PANK4: variants seen among roughly 807,000 people sequenced by gnomAD.
PANK4 encodes the protein 4'-phosphopantetheine phosphatase.
PANK4 carries 40 observed loss-of-function variants against 87.9 expected under a neutral mutation model. The observed-to-expected ratio is 0.46, with a 90% CI of 0.35 to 0.59. PANK4 has a LOEUF of 0.59. PANK4 is among the 20% of genes least tolerant of loss of function. The probability of loss-of-function intolerance (pLI) is 0.00; values close to 1 mark genes in which losing one functional copy is unlikely to be tolerated. For missense variants in PANK4, 926 were observed against 1,072.3 expected (o/e 0.86, Z 1.90); for synonymous variants, 524 against 467.4 (o/e 1.12, Z -1.56).
intron 1 of PANK4, among the ~76,000 whole-genome samples, chr1:2,524,665 C>G (rs1643905102): frequency 6.6e-6 from 1 of 152,236 alleles, no homozygotes; most frequent in Non-Finnish European, 1.5e-5. Context: ...TCACTGGCCT[C>G]TCGGGGCCAC....
In PANK4 at chr1:2,519,955, C is replaced by G; in HGVS notation, c.700-1G>C. 6.4e-7 allele frequency: 1 copy of G among 1,551,886 alleles called. No homozygotes were observed. Among genetic ancestry groups the G allele is most frequent in the Non-Finnish European group, 8.7e-7 (1 of 1,145,150 alleles). On this transcript the variant is annotated splice_acceptor_variant, in intron 5 of 18. Coordinates refer to ENST00000378466, the MANE Select transcript of PANK4 (RefSeq NM_018216.4). LOFTEE classifies it high-confidence loss of function. The surrounding 1 kb of genome is among the most constrained non-coding windows in gnomAD (Gnocchi z 8.3). ...CCAGGTGCAGGAGCTCGTCAAACTTCTGCAGGACACGGCGAGGGGGCGGGT... is the reference window on the plus strand; with the variant it reads ...CCAGGTGCAGGAGCTCGTCAAACTTGTGCAGGACACGGCGAGGGGGCGGGT...
In PANK4 at chr1:2,518,690, G is replaced by A. The variant is rs374874352; in HGVS notation, c.1036-93C>T. On this transcript the variant is annotated intron_variant, in intron 7 of 18. Transcript: ENST00000378466. ...TCAACGTGCGCGGGCCTCGCACCGCGCGGCCCAAACCCTCGAAGAGGCGCC... is the reference window on the plus strand; with the variant it reads ...TCAACGTGCGCGGGCCTCGCACCGCACGGCCCAAACCCTCGAAGAGGCGCC... The A allele has an allele frequency of 3.8e-3, 4,235 of 1,109,952 alleles. 157 individuals are homozygous for A. The South Asian group carries it at 0.053, about 14-fold the overall frequency. 68.8% of individuals were successfully genotyped at this position (1,109,952 alleles called of 1,614,324 possible). A position where few individuals can be genotyped will look rare whatever the true frequency, so the allele number is the denominator to read the frequency against.
At chr1:2,525,840 ACC>A (rs1643917415) in intron 1 of PANK4, 1 of 152,306 alleles carries the variant, frequency 6.6e-6, no homozygotes, top group South Asian at 2.1e-4. Context: ...TGGCTTTTAA[ACC>A]AGAGGCACGA....
In PANK4 at chr1:2,519,135, T is replaced by C. The variant is rs563230487; in HGVS notation, c.1035+8A>G. On this transcript the variant is annotated splice_region_variant and intron_variant, in intron 7 of 18. Transcript: ENST00000378466. This position sits in a 1 kb window ranked among gnomAD's most constrained non-coding sequence, Gnocchi z 8.3. ...GTTAGAGGCTGGGGAGGGCGGCGCATCCGTTACCTTGGAGAAGAAGTTGAT... is the reference window on the plus strand; with the variant it reads ...GTTAGAGGCTGGGGAGGGCGGCGCACCCGTTACCTTGGAGAAGAAGTTGAT... 2.7e-5 allele frequency: 44 copies of C among 1,609,552 alleles called. No individual in the cohort carries two copies. The Admixed American group carries it at 4.7e-4, about 17-fold the overall frequency.
intron 13 of PANK4, 109 bp from the exon 14 acceptor site, chr1:2,511,792 C>T (rs1182458524): frequency 2.0e-5 from 14 of 715,706 alleles, no homozygotes; most frequent in Non-Finnish European, 3.3e-5. Flanking sequence ...GAGGCAGCTG[C>T]TCAATGTAAA....
intron 10 of PANK4, among the ~76,000 whole-genome samples, 178 bp from the exon 11 acceptor site, chr1:2,514,644 TTGGGGCAGGGTGGGGGCTAGCTATG>T (rs1643731585): frequency 2.2e-5 from 1 of 46,426 alleles, no homozygotes; most frequent in African/African-American, 1.8e-4. Flanking sequence ...CGGGGGCTGT[TTGGGGCAGGGTGGGGGCTAGCTATG>T]GGGGGCTTCC....
chr1:2,519,727 G>A lies in PANK4; in HGVS notation c.853+74C>T. Reference sequence around the variant, plus strand: ...AGCAGTTGTGGGAAAGCAATGGTGGGGGAAGCTCCTGTCCGTGAGACCCCA... The same window carrying A: ...AGCAGTTGTGGGAAAGCAATGGTGGAGGAAGCTCCTGTCCGTGAGACCCCA... On this transcript the variant is annotated intron_variant, in intron 6 of 18. Coordinates refer to ENST00000378466, the MANE Select transcript of PANK4 (RefSeq NM_018216.4). This position sits in a 1 kb window ranked among gnomAD's most constrained non-coding sequence, Gnocchi z 8.3. 1 of 1,413,292 alleles carries A rather than the reference G, an allele frequency of 7.1e-7. No individual in the cohort carries two copies. The highest frequency in any genetic ancestry group is 9.5e-7 in the Non-Finnish European group (1 of 1,058,100). 87.5% of individuals were successfully genotyped at this position (1,413,292 alleles called of 1,614,324 possible).
rs199607692 is a variant in PANK4 at position 2,519,818 on chromosome 1, G to C, written c.836C>G (p.Ser279Trp). 2.5e-4 allele frequency: 399 copies of C among 1,579,800 alleles called. 1 individual carries two copies. The highest frequency in any genetic ancestry group is 3.3e-4 in the Non-Finnish European group (386 of 1,164,242). ...GTGAGCACCTTGGTCGGCGGTGGCC[G>C]ACTTCCCGAAGCTGCTGGCGATGAG... Reference protein sequence around the residue: ...GNLIASSFGKSATADQEFSKE... With the variant: ...GNLIASSFGKWATADQEFSKE... The change falls in exon 6 of 19, where the codon TCG becomes TGG. Residue 279 changes from serine to tryptophan, a missense_variant. By Grantham distance (177) the Ser-to-Trp change is radical. Coordinates refer to ENST00000378466, the MANE Select transcript of PANK4 (RefSeq NM_018216.4). The surrounding 1 kb of genome is among the most constrained non-coding windows in gnomAD (Gnocchi z 8.3).
chr1:2,515,440 C>T lies in PANK4; in HGVS notation c.1374+122G>A, dbSNP rs781147466. 9.0e-6 allele frequency: 10 copies of T among 1,108,890 alleles called. No homozygotes were observed. In the African/African-American group the frequency reaches 1.1e-4, roughly 12 times the overall value. The allele number at this position is 1,108,890 out of a possible 1,614,324, so 68.7% of individuals were successfully genotyped here. ...ATCGCCCCCTCACTCAGACGCAGAT[C>T]AAGGGGTTTCTGGACAACACTGGCC... On this transcript the variant is annotated intron_variant, in intron 10 of 18. Transcript: ENST00000378466. The surrounding 1 kb of genome is among the most constrained non-coding windows in gnomAD (Gnocchi z 5.0).
intron 12 of PANK4, among the ~76,000 whole-genome samples, chr1:2,513,449 C>G (rs562854059): frequency 2.0e-5 from 3 of 152,240 alleles, no homozygotes. Flanking sequence ...CGCTGCTGCC[C>G]GCTGCCTCCT....
Position 2,511,363 on chromosome 1 carries a change from T to C in PANK4, c.1808A>G (p.Tyr603Cys). 1 of 1,611,084 alleles carries C rather than the reference T, an allele frequency of 6.2e-7. No individual in the cohort carries two copies. The highest frequency in any genetic ancestry group is 2.2e-5 in the East Asian group (1 of 44,866). ...CTTTAATCTCTGAAGCCACTCGCTG[T>C]AGGAATCCACGAGCCAGGGTCTTTC... The part of the protein sequence containing the change: ...LQERPWLVDS[Y>C]SEWLQRLKGP... Residue 603 changes from tyrosine (Y) to cysteine (C), a missense_variant, in exon 15 of 19, where the codon TAC becomes TGC. Physicochemically the swap from Tyr to Cys is radical, Grantham distance 194 (BLOSUM62 -2). Transcript: ENST00000378466.
Position 2,515,933 on chromosome 1 carries a change from G to A in PANK4, c.1219-216C>T. On this transcript the variant is annotated intron_variant, in intron 9 of 18. Coordinates refer to ENST00000378466, the MANE Select transcript of PANK4 (RefSeq NM_018216.4). The surrounding 1 kb of genome is among the most constrained non-coding windows in gnomAD (Gnocchi z 5.0). ...TACCCCCTGGTTTGACACTGGGGTT[G>A]CGTCTGCTCCCACCACACGCCTCCT... 1 of 596,310 alleles carries A rather than the reference G, an allele frequency of 1.7e-6. No individual in the cohort carries two copies. The highest frequency in any genetic ancestry group is 2.0e-5 in the South Asian group (1 of 50,456). The allele number at this position is 596,310 out of a possible 1,614,324, so 36.9% of individuals were successfully genotyped here.
intron 1 of PANK4, among the ~76,000 whole-genome samples, chr1:2,524,269 G>A (rs1435810505): frequency 1.3e-5 from 2 of 152,050 alleles, no homozygotes; most frequent in Non-Finnish European, 2.9e-5. Context: ...CAGGGCAGGT[G>A]AGCTTTCCTA....
chr1:2,520,317 C>T lies in PANK4; in HGVS notation c.699+5G>A. On this transcript the variant is annotated splice_donor_5th_base_variant and intron_variant, in intron 5 of 18. Transcript: ENST00000378466. This position sits in a 1 kb window ranked among gnomAD's most constrained non-coding sequence, Gnocchi z 6.2. ...CCTGGAAGGTCTCTGGCAGCTGCCG[C>T]ATACCTTCGTTTTGGTGAGCAGAGC... 2.5e-6 allele frequency: 4 copies of T among 1,611,876 alleles called. No individual in the cohort carries two copies. The highest frequency in any genetic ancestry group is 3.4e-6 in the Non-Finnish European group (4 of 1,179,024).
Position 2,510,028 on chromosome 1 carries a change from C to T in PANK4, c.2039+29G>A, listed in dbSNP as rs984697057. On this transcript the variant is annotated intron_variant, in intron 17 of 18. Coordinates refer to ENST00000378466, the MANE Select transcript of PANK4 (RefSeq NM_018216.4). The surrounding 1 kb of genome is among the most constrained non-coding windows in gnomAD (Gnocchi z 4.9). ...CAGCTGGTGCCCCTCCCCATCAAGGCCCCCCCAGCACTGCCCGCCAACACT... is the reference window on the plus strand; with the variant it reads ...CAGCTGGTGCCCCTCCCCATCAAGGTCCCCCCAGCACTGCCCGCCAACACT... The T allele has an allele frequency of 1.3e-6, 2 of 1,556,546 alleles. No individual in the cohort carries two copies. The highest frequency in any genetic ancestry group is 1.4e-5 in the African/African-American group (1 of 73,854).
Position 2,515,697 on chromosome 1 carries a change from G to C in PANK4, c.1239C>G (p.Asp413Glu). The C allele has an allele frequency of 2.5e-6, 4 of 1,612,966 alleles. No individual in the cohort carries two copies. ...GGTCAACCAGTGGCCTCTCCAGCCGGTCCATTTCCAGCAAGTCAAACTGGA... is the reference window on the plus strand; with the variant it reads ...GGTCAACCAGTGGCCTCTCCAGCCGCTCCATTTCCAGCAAGTCAAACTGGA... ...RSGTFDLLEMDRLERPLVDLP... is the reference protein window; with the variant it reads ...RSGTFDLLEMERLERPLVDLP... Residue 413 changes from aspartate (D) to glutamate (E), a missense_variant, in exon 10 of 19, where the codon GAC (aspartate) becomes GAG (glutamate). By Grantham distance (45) the Asp-to-Glu change is conservative (BLOSUM62 2). Coordinates refer to ENST00000378466, the MANE Select transcript of PANK4 (RefSeq NM_018216.4). The surrounding 1 kb of genome is among the most constrained non-coding windows in gnomAD (Gnocchi z 5.0).
chr1:2,526,525 C>G lies in PANK4; in HGVS notation c.63G>C (p.Thr21=). 1 of 1,589,650 alleles carries G rather than the reference C, an allele frequency of 6.3e-7. No homozygotes were observed. The highest frequency in any genetic ancestry group is 1.4e-5 in the African/African-American group (1 of 72,742). Residue 21 remains threonine, a synonymous_variant, in exon 1 of 19, where the codon ACG becomes ACC. Transcript: ENST00000378466. ...SSGDSLDKSI[T]LPPDEIFRNL... ...TGCGGAAGATCTCGTCGGGGGGCAG[C>G]GTGATGCTCTTGTCCAGACTGTCCC...
Position 2,515,797 on chromosome 1 carries a change from C to T in PANK4, c.1219-80G>A. On this transcript the variant is annotated intron_variant, in intron 9 of 18. Transcript: ENST00000378466. This position sits in a 1 kb window ranked among gnomAD's most constrained non-coding sequence, Gnocchi z 5.0. ...AGCCACACTCAGAAGCTTCCACTCT[C>T]TCTCTAAGAAGGGAGATGTACTGCC... The T allele has an allele frequency of 7.4e-7, 1 of 1,359,606 alleles. No individual in the cohort carries two copies. Among genetic ancestry groups the T allele is most frequent in the South Asian group, 1.3e-5 (1 of 77,742 alleles). 84.2% of individuals were successfully genotyped at this position (1,359,606 alleles called of 1,614,324 possible).
At chr1:2,521,066 CAT>C (rs778388055) in intron 3 of PANK4, 33 bp downstream of exon 3, 3 of 1,580,476 alleles carry the variant, frequency 1.9e-6, no homozygotes, top group Middle Eastern at 2.1e-4. Context: ...GGGGCAGACA[CAT>C]GTTCCTTTCT....
Sources: gnomAD v4.1 joint callset for allele counts (sites outside exome capture counted in the v4.1 genomes callset) on GRCh38, gnomAD v4.1.1 for gene constraint, Gnocchi (gnomAD v3.1) non-coding constraint, MANE v1.5 for transcripts, NCBI Gene and HGNC (gene_info 2026-07-23, HGNC 2026-07-21) for gene names.